CTNNA3: variants seen among roughly 807,000 people sequenced by gnomAD.
CTNNA3 encodes the protein catenin alpha 3.
In CTNNA3, 76 loss-of-function variants were observed where a neutral mutation model predicts 95.7. That is an observed-to-expected ratio of 0.79 (90% confidence interval 0.66 to 0.96). The LOEUF (loss-of-function observed/expected upper bound fraction) is 0.96. CTNNA3 is among the 40% of genes least tolerant of loss of function. The probability of loss-of-function intolerance (pLI) is 0.00; values close to 1 mark genes in which losing one functional copy is unlikely to be tolerated. For missense variants in CTNNA3, 1,191 were observed against 1,089.8 expected, an observed-to-expected ratio of 1.09 and a Z score of -1.31; for synonymous variants, 431 against 374.4, an observed-to-expected ratio of 1.15 and a Z score of -1.74.
At chr10:66,253,672 C>G (rs1340642928) in intron 13 of CTNNA3, among the ~76,000 whole-genome samples, 1 of 151,992 alleles carries the variant, frequency 6.6e-6, no homozygotes, top group Non-Finnish European at 1.5e-5. Flanking sequence ...TTTAGGTGTT[C>G]AAGATATGTC....
chr10:66,071,567 C>T (rs904536667), intron 14 of CTNNA3, among the ~76,000 whole-genome samples: 4 of 152,098 alleles, frequency 2.6e-5, no homozygotes, highest in Admixed American at 6.6e-5. Context: ...ACTAAGCCAA[C>T]AAACACGAAT....
At position 66,618,896 on chromosome 10, in the gene CTNNA3, C is replaced by T. The variant is rs575887947; in HGVS notation, c.1374+2796G>A. ...ACAAACAACCCCATCAAAAAGTGGGCGAAGGATATGAACAGACACTTCCCA... is the reference window on the plus strand; with the variant it reads ...ACAAACAACCCCATCAAAAAGTGGGTGAAGGATATGAACAGACACTTCCCA... On this transcript the variant is annotated intron_variant, in intron 10 of 17. Transcript: ENST00000433211. Among the ~76,000 whole-genome samples the T allele has an allele frequency of 3.2e-4, 48 of 152,158 alleles. No individual in the cohort carries two copies. The South Asian group carries it at 3.9e-3, about 12-fold the overall frequency.
At chr10:65,949,951 C>T (rs1220286021) in intron 17 of CTNNA3, among the ~76,000 whole-genome samples, 1 of 152,064 alleles carries the variant, frequency 6.6e-6, no homozygotes, top group Non-Finnish European at 1.5e-5. Context: ...AAACACTCTA[C>T]AATGTTCAAG....
chr10:67,099,264 C>T (rs1422861150), intron 7 of CTNNA3: 1 of 151,292 alleles, frequency 6.6e-6, no homozygotes, highest in Non-Finnish European at 1.5e-5. Context: ...GTGCTGTTTG[C>T]TTGACATAGG....
chr10:66,430,460 A>C (rs1442997753), intron 11 of CTNNA3, among the ~76,000 whole-genome samples: 5 of 152,190 alleles, frequency 3.3e-5, no homozygotes, highest in Non-Finnish European at 7.3e-5. Context: ...TCCTAAGCCA[A>C]AAGAACAAAG....
chr10:67,702,283 A>G (rs1412736205), intron 1 of CTNNA3, among the ~76,000 whole-genome samples: 1 of 152,144 alleles, frequency 6.6e-6, no homozygotes, highest in Admixed American at 6.5e-5. Flanking sequence ...GACCTAATAG[A>G]CATCTACAGA....
intron 5 of CTNNA3, among the ~76,000 whole-genome samples, chr10:67,350,369 G>A (rs1442039559): frequency 6.6e-6 from 1 of 151,802 alleles, no homozygotes; most frequent in African/African-American, 2.4e-5. Flanking sequence ...TTGGAGGAGG[G>A]GAAACTTGTT....
At chr10:66,705,100 C>T (rs1156754277) in intron 9 of CTNNA3, among the ~76,000 whole-genome samples, 1 of 151,968 alleles carries the variant, frequency 6.6e-6, no homozygotes, top group Non-Finnish European at 1.5e-5. Context: ...TGAATTTGGT[C>T]ATATTTTTGT....
chr10:65,934,853 C>T (rs1214468754), intron 17 of CTNNA3, among the ~76,000 whole-genome samples: 1 of 151,854 alleles, frequency 6.6e-6, no homozygotes, highest in African/African-American at 2.4e-5. Flanking sequence ...GATTGAGGAC[C>T]GATATAAGAT....
Position 67,446,749 on chromosome 10 carries a change from T to C in CTNNA3, c.579+75093A>G, listed in dbSNP as rs550395299. On this transcript the variant is annotated intron_variant, in intron 5 of 17. Coordinates refer to ENST00000433211, the MANE Select transcript of CTNNA3 (RefSeq NM_013266.4). ...GACATCAAGGGAGATAGGAGCCCTA[T>C]CTCCCAGTTTTTGTGGAAGGATAAT... 4.6e-5 allele frequency among the ~76,000 whole-genome samples: 7 copies of C among 152,208 alleles called. No homozygotes were observed. The South Asian group carries it at 1.2e-3, about 27-fold the overall frequency.
chr10:67,017,622 T>C (rs377432347), intron 7 of CTNNA3, among the ~76,000 whole-genome samples: 18 of 152,292 alleles, frequency 1.2e-4, no homozygotes, highest in African/African-American at 4.3e-4. Context: ...CCAGCCATAG[T>C]TCTAATGTTT....
chr10:67,492,519 A>G (rs1383916028), intron 5 of CTNNA3, among the ~76,000 whole-genome samples: 2 of 152,232 alleles, frequency 1.3e-5, no homozygotes, highest in Non-Finnish European at 2.9e-5. Flanking sequence ...ATATCAAGAG[A>G]GACAATGTGC....
chr10:65,970,988 C>T (rs868606014), intron 16 of CTNNA3, among the ~76,000 whole-genome samples: 38 of 141,462 alleles, frequency 2.7e-4, no homozygotes, highest in African/African-American at 6.2e-4. Context: ...TTAAACCTCT[C>T]TTTTTTTTTT....
intron 13 of CTNNA3, among the ~76,000 whole-genome samples, chr10:66,278,226 A>G (rs1215007071): frequency 1.3e-5 from 2 of 149,972 alleles, no homozygotes; most frequent in Non-Finnish European, 3.0e-5. Flanking sequence ...TCTATCCAAT[A>G]AATATAATGT....
chr10:66,443,140 G>C (rs1293447243), intron 11 of CTNNA3, among the ~76,000 whole-genome samples: 6 of 152,162 alleles, frequency 3.9e-5, no homozygotes, highest in Admixed American at 2.6e-4. Context: ...GGCTTGATTA[G>C]GTAAACAAAG....
intron 9 of CTNNA3, among the ~76,000 whole-genome samples, chr10:66,635,355 T>C (rs1202455194): frequency 1.3e-5 from 2 of 152,150 alleles, no homozygotes; most frequent in African/African-American, 2.4e-5. Context: ...GCAGGTCTAA[T>C]AAGTGTTTAT....
At chr10:67,571,134 C>T (rs978005752) in intron 3 of CTNNA3, among the ~76,000 whole-genome samples, 2 of 151,980 alleles carry the variant, frequency 1.3e-5, no homozygotes, top group African/African-American at 4.8e-5. Flanking sequence ...ATAATAACTA[C>T]AATAATACTG....
At chr10:67,211,352 CACGATCT>C (rs1158672970) in intron 6 of CTNNA3, among the ~76,000 whole-genome samples, 1 of 151,652 alleles carries the variant, frequency 6.6e-6, no homozygotes, top group Non-Finnish European at 1.5e-5. Context: ...AAACCTTGAA[CACGATCT>C]ATAATGCCAT....
At chr10:67,491,499 T>C (rs932787684) in intron 5 of CTNNA3, among the ~76,000 whole-genome samples, 1 of 152,160 alleles carries the variant, frequency 6.6e-6, no homozygotes, top group African/African-American at 2.4e-5. Flanking sequence ...GCAACTGAAG[T>C]ACAAGTAAGA....
Sources: gnomAD v4.1 joint callset for allele counts (sites outside exome capture counted in the v4.1 genomes callset) on GRCh38, gnomAD v4.1.1 for gene constraint, MANE v1.5 for transcripts, NCBI Gene and HGNC (gene_info 2026-07-23, HGNC 2026-07-21) for gene names.